Variants in GALNT13 observed in about 807,000 individuals in gnomAD.
GALNT13 encodes the protein polypeptide N-acetylgalactosaminyltransferase 13.
Under a neutral mutation model 64.2 loss-of-function variants are expected in GALNT13, and 28 were observed. That is an observed-to-expected ratio of 0.44 (90% CI 0.32 to 0.60). GALNT13 has a LOEUF of 0.60. Ranked by LOEUF, GALNT13 falls within the 20% of genes least tolerant of loss-of-function variation. The pLI, the probability that GALNT13 is intolerant of heterozygous loss-of-function variation, is 0.05. For missense variants in GALNT13, 577 were observed against 669.8 expected, an observed-to-expected ratio of 0.86 and a Z score of 1.53; for synonymous variants, 214 against 224.6, an observed-to-expected ratio of 0.95 and a Z score of 0.42.
the GALNT13 span, among the ~76,000 whole-genome samples, chr2:153,086,619 C>T: frequency 6.6e-6 from 1 of 152,102 alleles, no homozygotes; most frequent in African/African-American, 2.4e-5. Flanking sequence ...GTCAATTAAA[C>T]CTCTTTCCTT....
At chr2:153,554,983 T>C in the GALNT13 span, among the ~76,000 whole-genome samples, 65 of 152,238 alleles carry the variant, frequency 4.3e-4, 1 homozygote, top group African/African-American at 1.5e-3. Flanking sequence ...TCCCCAGGCC[T>C]AATATATCAC....
chr2:153,860,314 C>T, the GALNT13 span, among the ~76,000 whole-genome samples: 1 of 152,148 alleles, frequency 6.6e-6, no homozygotes, highest in Non-Finnish European at 1.5e-5. Flanking sequence ...CCTTCTTTTC[C>T]TTCTCTTTCA....
the GALNT13 span, among the ~76,000 whole-genome samples, chr2:153,433,633 A>T: frequency 6.6e-6 from 1 of 152,160 alleles, no homozygotes; most frequent in East Asian, 1.9e-4. Context: ...ATCCTTAGCA[A>T]ATACCTAGAG....
chr2:154,265,461 G>A (rs1316267472), intron 8 of GALNT13, among the ~76,000 whole-genome samples: 8 of 152,110 alleles, frequency 5.3e-5, no homozygotes, highest in Non-Finnish European at 2.9e-5. Flanking sequence ...CACTTTGTGA[G>A]GCCGAGGAGG....
chr2:153,225,339 G>C, the GALNT13 span, among the ~76,000 whole-genome samples: 1 of 151,958 alleles, frequency 6.6e-6, no homozygotes, highest in Non-Finnish European at 1.5e-5. Context: ...AGCAGATAAA[G>C]GACAACCTGA....
At chr2:153,623,033 G>T in the GALNT13 span, among the ~76,000 whole-genome samples, 2 of 152,010 alleles carry the variant, frequency 1.3e-5, no homozygotes, top group African/African-American at 4.8e-5. Flanking sequence ...TATGTGCATT[G>T]AAATGATATG....
the GALNT13 span, among the ~76,000 whole-genome samples, chr2:153,289,270 A>G: frequency 6.6e-6 from 1 of 152,118 alleles, no homozygotes; most frequent in Non-Finnish European, 1.5e-5. Flanking sequence ...TTATCCAATG[A>G]CCTCATTTCT....
chr2:154,103,800 G>A (rs1285999306), intron 3 of GALNT13, among the ~76,000 whole-genome samples: 1 of 152,154 alleles, frequency 6.6e-6, no homozygotes, highest in Non-Finnish European at 1.5e-5. Context: ...TCTGGTTGTT[G>A]TGGCAATGTA....
chr2:153,866,607 CTAAT>C, the GALNT13 span, among the ~76,000 whole-genome samples: 3 of 152,218 alleles, frequency 2.0e-5, no homozygotes, highest in Admixed American at 6.5e-5. Context: ...TAGTTTAAAA[CTAAT>C]TATACTTTCT....
At chr2:153,303,179 A>G in the GALNT13 span, among the ~76,000 whole-genome samples, 1 of 152,128 alleles carries the variant, frequency 6.6e-6, no homozygotes, top group Non-Finnish European at 1.5e-5. Context: ...TGAACACAGG[A>G]TATCTTTCCA....
the GALNT13 span, among the ~76,000 whole-genome samples, chr2:153,343,586 A>C: frequency 6.6e-6 from 1 of 152,202 alleles, no homozygotes; most frequent in East Asian, 1.9e-4. Flanking sequence ...AATTCCACAC[A>C]TAAAAATAGC....
At chr2:153,877,815 T>C (rs1038388624) in intron 1 of GALNT13, among the ~76,000 whole-genome samples, 1 of 152,210 alleles carries the variant, frequency 6.6e-6, no homozygotes, top group Non-Finnish European at 1.5e-5. Flanking sequence ...GGTTATAAAT[T>C]GATAAAGTGG....
At chr2:153,759,538 T>G in the GALNT13 span, among the ~76,000 whole-genome samples, 1 of 152,132 alleles carries the variant, frequency 6.6e-6, no homozygotes, top group Admixed American at 6.5e-5. Flanking sequence ...TGTCAAAAGC[T>G]TTTTCTGCCT....
At chr2:153,704,768 G>T in the GALNT13 span, among the ~76,000 whole-genome samples, 2 of 152,062 alleles carry the variant, frequency 1.3e-5, no homozygotes, top group African/African-American at 4.8e-5. Flanking sequence ...TTGCAGTTAG[G>T]TTAATAGAAA....
the GALNT13 span, chr2:153,478,797 C>G: frequency 2.1e-6 from 1 of 465,248 alleles, no homozygotes; most frequent in South Asian, 5.2e-5. Flanking sequence ...GGTGCTCGTT[C>G]CCGGCGCTCG....
intron 2 of GALNT13, among the ~76,000 whole-genome samples, chr2:153,916,834 A>G (rs2105327923): frequency 6.6e-6 from 1 of 152,312 alleles, no homozygotes; most frequent in South Asian, 2.1e-4. Context: ...TTTACCTTTT[A>G]GATGGGATTG....
At chr2:154,217,127 T>C (rs1171491576) in intron 4 of GALNT13, among the ~76,000 whole-genome samples, 2 of 151,898 alleles carry the variant, frequency 1.3e-5, no homozygotes, top group Non-Finnish European at 1.5e-5. Context: ...AAGTTGCTTC[T>C]TACAAAAAGA....
At chr2:153,147,713 G>A in the GALNT13 span, among the ~76,000 whole-genome samples, 1 of 151,644 alleles carries the variant, frequency 6.6e-6, no homozygotes, top group Non-Finnish European at 1.5e-5. Context: ...GGATTTATAG[G>A]GAAATTTGGA....
the GALNT13 span, among the ~76,000 whole-genome samples, chr2:153,745,271 A>C: frequency 1.3e-5 from 2 of 152,222 alleles, no homozygotes; most frequent in African/African-American, 4.8e-5. Context: ...GGTTATGTAC[A>C]AAAAAGAGCT....
Sources: gnomAD v4.1 joint callset for allele counts (sites outside exome capture counted in the v4.1 genomes callset) on GRCh38, gnomAD v4.1.1 for gene constraint, MANE v1.5 for transcripts, NCBI Gene and HGNC (gene_info 2026-07-23, HGNC 2026-07-21) for gene names.